ENO1: variants seen among roughly 807,000 people sequenced by gnomAD.
ENO1 encodes alpha-enolase.
Under a neutral mutation model 46.3 loss-of-function variants are expected in ENO1, and 33 were observed. The observed-to-expected ratio is 0.71, with a 90% confidence interval of 0.54 to 0.95. The LOEUF (loss-of-function observed/expected upper bound fraction) is 0.95, where lower values mean the gene tolerates loss of function less well. ENO1 is among the 40% of genes least tolerant of loss of function. The pLI, the probability that ENO1 is intolerant of heterozygous loss-of-function variation, is 0.00. For synonymous variants in ENO1, 220 were observed against 216.0 expected (o/e 1.02, Z -0.16); for missense variants, 488 against 553.3 (o/e 0.88, Z 1.18).
chr1:8,865,668 G>T (rs1377839803), intron 7 of ENO1, among the ~76,000 whole-genome samples, 186 bp from the exon 8 acceptor site: 1 of 152,164 alleles, frequency 6.6e-6, no homozygotes, highest in Non-Finnish European at 1.5e-5. Flanking sequence ...AGTTCTTGGT[G>T]CATACAAAAT....
At position 8,874,851 on chromosome 1, in the gene ENO1, C is replaced by G; in HGVS notation, c.58G>C (p.Val20Leu). The G allele has an allele frequency of 6.2e-7, 1 of 1,613,690 alleles. No homozygotes were observed. The highest frequency in any genetic ancestry group is 1.1e-5 in the South Asian group (1 of 91,040). The change falls in exon 2 of 12, where the codon GTT becomes CTT. Residue 20 changes from valine to leucine, a missense_variant. Coordinates refer to ENST00000234590, the MANE Select transcript of ENO1 (RefSeq NM_001428.5). Reference protein sequence around the residue: ...EIFDSRGNPTVEVDLFTSKGL... With the variant: ...EIFDSRGNPTLEVDLFTSKGL... Reference sequence around the variant, plus strand: ...TTTGAGGTGAAGAGATCAACCTCAACAGTGGGATTCCCGCGAGAGTCAAAG... The same window carrying G: ...TTTGAGGTGAAGAGATCAACCTCAAGAGTGGGATTCCCGCGAGAGTCAAAG...
At chr1:8,866,091 A>AAT in intron 7 of ENO1, 188 bp downstream of exon 7, 1 of 553,304 alleles carries the variant, frequency 1.8e-6, no homozygotes, top group Non-Finnish European at 3.1e-6. Flanking sequence ...AAAAAAAAAA[A>AAT]AAGAAAAAAA....
At chr1:8,878,455 CGT>C (rs1343610835) in intron 1 of ENO1, 123 bp downstream of exon 1, 1 of 356,288 alleles carries the variant, frequency 2.8e-6, no homozygotes, top group Non-Finnish European at 5.6e-6. Flanking sequence ...GCGGCTTGCA[CGT>C]GCCCCCGACC....
At chr1:8,866,154 T>C (rs1481705194) in intron 7 of ENO1, 125 bp downstream of exon 7, 1 of 775,090 alleles carries the variant, frequency 1.3e-6, no homozygotes, top group African/African-American at 1.8e-5. Flanking sequence ...GTTTGAAGGG[T>C]CTTGATCTTT....
At chr1:8,874,654 C>G (rs1569921692) in intron 2 of ENO1, among the ~76,000 whole-genome samples, 170 bp downstream of exon 2, 1 of 151,048 alleles carries the variant, frequency 6.6e-6, no homozygotes, top group African/African-American at 2.4e-5. Context: ...TGGCTCCATG[C>G]CTAAAAATTC....
At position 8,862,899 on chromosome 1, in the gene ENO1, T is replaced by C. The variant is rs1642434798; in HGVS notation, c.1223A>G (p.Asn408Ser). The C allele has an allele frequency of 2.5e-6, 4 of 1,613,952 alleles. No homozygotes were observed. Among genetic ancestry groups the C allele is most frequent in the African/African-American group, 2.7e-5 (2 of 74,904 alleles). Residue 408 changes from asparagine (N) to serine (S), a missense_variant, in exon 11 of 12, where the codon AAC becomes AGC. By Grantham distance (46) the Asn-to-Ser change is conservative (BLOSUM62 1). Transcript: ENST00000234590. The stretch of plus-strand genomic sequence containing the variant: ...GAGCCCTCCTTACCTGAGGAGCTGG[T>C]TGTACTTGGCCAAGCGCTCAGATCG... Reference protein sequence around the residue: ...PCRSERLAKYNQLLRIEEELG... With the variant: ...PCRSERLAKYSQLLRIEEELG...
At position 8,878,680 on chromosome 1, in the gene ENO1, A is replaced by C. The variant is rs1292769061; in HGVS notation, c.-110T>G. 6 of 455,938 alleles carry C rather than the reference A, an allele frequency of 1.3e-5. No individual in the cohort carries two copies. Among genetic ancestry groups the C allele is most frequent in the African/African-American group, 1.2e-4 (6 of 50,076 alleles). The allele number at this position is 455,938 out of a possible 1,614,324, so 28.2% of individuals were successfully genotyped here. A position where few individuals can be genotyped will look rare whatever the true frequency, so the allele number is the denominator to read the frequency against. On this transcript the variant is annotated 5_prime_UTR_variant, in exon 1 of 12. Transcript: ENST00000234590. ...AGATCTCCGTGCTCCGGGTACCCAC[A>C]GATACTGTCCGCGCCGCCCGCGCCG...
Position 8,878,648 on chromosome 1 carries a change from G to C in ENO1, c.-78C>G, listed in dbSNP as rs968765836. On this transcript the variant is annotated 5_prime_UTR_variant, in exon 1 of 12. Coordinates refer to ENST00000234590, the MANE Select transcript of ENO1 (RefSeq NM_001428.5). ...CTGCAGACACCGAGGTGAACGTAAA[G>C]CCGGCGAGATCTCCGTGCTCCGGGT... The C allele has an allele frequency of 2.2e-6, 1 of 456,116 alleles. No homozygotes were observed. The highest frequency in any genetic ancestry group is 2.0e-5 in the African/African-American group (1 of 50,216). The allele number at this position is 456,116 out of a possible 1,614,324, so 28.3% of individuals were successfully genotyped here.
intron 4 of ENO1, 26 bp from the exon 5 acceptor site, chr1:8,868,083 G>GAA: frequency 6.4e-6 from 10 of 1,563,390 alleles, no homozygotes; most frequent in Non-Finnish European, 8.8e-6. Context: ...GAGAATGAGG[G>GAA]GTTGGGGCCA....
chr1:8,861,861 G>A (rs1201287622), intron 11 of ENO1, among the ~76,000 whole-genome samples: 4 of 139,140 alleles, frequency 2.9e-5, no homozygotes, highest in East Asian at 2.1e-4. Flanking sequence ...AAATGTGTGA[G>A]CTGTTTGGAT....
At chr1:8,869,576 T>G (rs1486848963) in intron 4 of ENO1, among the ~76,000 whole-genome samples, 1 of 152,122 alleles carries the variant, frequency 6.6e-6, no homozygotes, top group Non-Finnish European at 1.5e-5. Context: ...TTTTTATTTT[T>G]TGAGACAGAG....
At chr1:8,868,097 T>C in intron 4 of ENO1, 40 bp from the exon 5 acceptor site, 1 of 1,437,680 alleles carries the variant, frequency 7.0e-7, no homozygotes, top group Non-Finnish European at 9.8e-7. Flanking sequence ...GGGGCCACTC[T>C]TATCTGCATA....
intron 3 of ENO1, chr1:8,871,123 T>A (rs141058373): frequency 2.6e-6 from 3 of 1,176,174 alleles, no homozygotes; most frequent in Non-Finnish European, 3.1e-6. Flanking sequence ...AATGGTAACA[T>A]GTTCGTGTGT....
chr1:8,862,905 T>G lies in ENO1; in HGVS notation c.1217A>C (p.Lys406Thr). The G allele has an allele frequency of 6.2e-7, 1 of 1,614,130 alleles. No homozygotes were observed. The highest frequency in any genetic ancestry group is 8.5e-7 in the Non-Finnish European group (1 of 1,179,994). Residue 406 changes from lysine (K) to threonine (T), a missense_variant, in exon 11 of 12, where the codon AAG (lysine) becomes ACG (threonine). Lys to Thr is a moderately conservative substitution (Grantham distance 78). Coordinates refer to ENST00000234590, the MANE Select transcript of ENO1 (RefSeq NM_001428.5). ...GAPCRSERLA[K>T]YNQLLRIEEE... Reference sequence around the variant, plus strand: ...TCCTTACCTGAGGAGCTGGTTGTACTTGGCCAAGCGCTCAGATCGGCAAGG... The same window carrying G: ...TCCTTACCTGAGGAGCTGGTTGTACGTGGCCAAGCGCTCAGATCGGCAAGG...
chr1:8,862,231 G>A (rs1203295167), intron 11 of ENO1, among the ~76,000 whole-genome samples: 1 of 152,208 alleles, frequency 6.6e-6, no homozygotes, highest in East Asian at 1.9e-4. Flanking sequence ...CTGCACTCCA[G>A]CCTGAGTGAC....
intron 4 of ENO1, among the ~76,000 whole-genome samples, chr1:8,869,691 C>G (rs754496145): frequency 2.6e-5 from 4 of 152,244 alleles, no homozygotes; most frequent in Admixed American, 1.3e-4. Flanking sequence ...TCCCAAGTAG[C>G]TGGGACTACA....
chr1:8,867,159 G>C lies in ENO1; in HGVS notation c.402C>G (p.Ile134Met), dbSNP rs369611743. Residue 134 changes from isoleucine to methionine, a missense_variant, in exon 6 of 12, where the codon ATC becomes ATG. Coordinates refer to ENST00000234590, the MANE Select transcript of ENO1 (RefSeq NM_001428.5). ...VEKGVPLYRH[I>M]ADLAGNSEVI... Reference sequence around the variant, plus strand: ...CTTCAGAGTTGCCAGCCAAGTCAGCGATGTGGCGGTACAGGGGGACCCCCT... The same window carrying C: ...CTTCAGAGTTGCCAGCCAAGTCAGCCATGTGGCGGTACAGGGGGACCCCCT... The C allele has an allele frequency of 6.2e-7, 1 of 1,614,174 alleles. No homozygotes were observed. The highest frequency in any genetic ancestry group is 8.5e-7 in the Non-Finnish European group (1 of 1,179,998).
At chr1:8,870,952 G>T (rs77676671) in intron 3 of ENO1, 1 of 1,249,266 alleles carries the variant, frequency 8.0e-7, no homozygotes, top group South Asian at 3.7e-5. Context: ...TAAGGACTGC[G>T]AGTGAGAGAC....
intron 3 of ENO1, chr1:8,871,293 T>C (rs1399451732): frequency 2.0e-6 from 2 of 996,988 alleles, no homozygotes; most frequent in Non-Finnish European, 2.4e-6. Context: ...TCTAGCCCTA[T>C]GTGCTTTTCT....
Sources: allele counts gnomAD v4.1 joint callset (sites outside exome capture counted in the v4.1 genomes callset), GRCh38; gene constraint gnomAD v4.1.1; transcripts MANE v1.5; gene names NCBI Gene and HGNC (gene_info 2026-07-23, HGNC 2026-07-21).